Variants in ABHD17B observed in about 807,000 individuals in gnomAD.
ABHD17B encodes abhydrolase domain containing 17B, depalmitoylase.
ABHD17B carries 9 observed loss-of-function variants against 26.2 expected under a neutral mutation model. The ratio of observed to expected loss-of-function variants is 0.34; its 90% confidence interval spans 0.21 to 0.60. ABHD17B has a LOEUF of 0.60. Ranked by LOEUF, ABHD17B falls within the 20% of genes least tolerant of loss-of-function variation. The pLI, the probability that ABHD17B is intolerant of heterozygous loss-of-function variation, is 0.80. For missense variants in ABHD17B, 224 were observed against 352.1 expected (o/e 0.64, Z 2.91); for synonymous variants, 127 against 122.3 (o/e 1.04, Z -0.25).
chr9:71,871,306 T>C (rs1352904728), intron 2 of ABHD17B, among the ~76,000 whole-genome samples: 1 of 152,234 alleles, frequency 6.6e-6, no homozygotes, highest in Non-Finnish European at 1.5e-5. Context: ...ATTTCAACTA[T>C]ACAGGTAGTA....
intron 1 of ABHD17B, among the ~76,000 whole-genome samples, chr9:71,895,045 A>C (rs1412152256): frequency 6.6e-6 from 1 of 152,198 alleles, no homozygotes; most frequent in Non-Finnish European, 1.5e-5. Flanking sequence ...AATTTTGTCA[A>C]AACAAATCAA....
intron 1 of ABHD17B, among the ~76,000 whole-genome samples, chr9:71,909,553 C>A (rs1016716928): frequency 3.3e-5 from 5 of 152,128 alleles, no homozygotes; most frequent in African/African-American, 1.2e-4. Context: ...AACAGATTAA[C>A]GTTATTACAA....
rs563672721 is a variant in ABHD17B at position 71,875,477 on chromosome 9, G to A, written c.-3-394C>T. Reference sequence around the variant, plus strand: ...TGACCTCAGGTGATTCACCCACCTCGGCCTCCCAAAGTGCTGGGATTACAA... The same window carrying A: ...TGACCTCAGGTGATTCACCCACCTCAGCCTCCCAAAGTGCTGGGATTACAA... On this transcript the variant is annotated intron_variant, in intron 1 of 3. Transcript: ENST00000333421. 5.9e-5 allele frequency among the ~76,000 whole-genome samples: 9 copies of A among 152,094 alleles called. No homozygotes were observed. The South Asian group carries it at 8.3e-4, about 14-fold the overall frequency.
intron 1 of ABHD17B, among the ~76,000 whole-genome samples, chr9:71,884,935 G>T (rs1282329154): frequency 6.6e-6 from 1 of 152,082 alleles, no homozygotes. Flanking sequence ...AAAATGTTTT[G>T]TTACTATTAC....
intron 1 of ABHD17B, among the ~76,000 whole-genome samples, chr9:71,908,168 A>T (rs947538085): frequency 2.0e-5 from 3 of 152,196 alleles, no homozygotes; most frequent in Non-Finnish European, 4.4e-5. Context: ...AGGCGGGTGG[A>T]TCACCTGAGG....
At position 71,867,013 on chromosome 9, in the gene ABHD17B, G is replaced by A. The variant is rs1453342811; in HGVS notation, c.648-7C>T. ...CTTAGAGATTTTGTCAATGCTGCAG[G>A]GAAAAAGGAAGGGGGAAAAATGCAA... On this transcript the variant is annotated splice_region_variant and splice_polypyrimidine_tract_variant and intron_variant, in intron 3 of 3. Coordinates refer to ENST00000333421, the MANE Select transcript of ABHD17B (RefSeq NM_001025780.3). The A allele has an allele frequency of 6.2e-7, 1 of 1,612,800 alleles. No individual in the cohort carries two copies. Among genetic ancestry groups the A allele is most frequent in the African/African-American group, 1.3e-5 (1 of 74,816 alleles).
intron 1 of ABHD17B, among the ~76,000 whole-genome samples, chr9:71,888,166 A>G (rs1366449847): frequency 6.6e-6 from 1 of 152,236 alleles, no homozygotes; most frequent in East Asian, 1.9e-4. Context: ...TTACTGATGG[A>G]GCAGTAAAAT....
chr9:71,892,376 CAA>C (rs1206160849), intron 1 of ABHD17B, among the ~76,000 whole-genome samples: 1 of 151,242 alleles, frequency 6.6e-6, no homozygotes, highest in South Asian at 2.1e-4. Context: ...ACTAAAAATA[CAA>C]AAAAATTAGC....
At chr9:71,896,290 A>C (rs565960471) in intron 1 of ABHD17B, among the ~76,000 whole-genome samples, 2 of 152,294 alleles carry the variant, frequency 1.3e-5, no homozygotes, top group South Asian at 4.1e-4. Context: ...TGTACTCCTG[A>C]CTTCAATTTC....
chr9:71,891,661 G>C (rs922661031), intron 1 of ABHD17B, among the ~76,000 whole-genome samples: 1 of 152,118 alleles, frequency 6.6e-6, no homozygotes, highest in African/African-American at 2.4e-5. Flanking sequence ...CTGCAGAATT[G>C]GAACTCCTGT....
chr9:71,896,459 C>T (rs1293196816), intron 1 of ABHD17B, among the ~76,000 whole-genome samples: 1 of 152,076 alleles, frequency 6.6e-6, no homozygotes, highest in Non-Finnish European at 1.5e-5. Context: ...GTCAAGATAT[C>T]AAACTTCTAA....
intron 1 of ABHD17B, among the ~76,000 whole-genome samples, chr9:71,904,249 T>C (rs1259110851): frequency 2.6e-5 from 4 of 152,184 alleles, no homozygotes; most frequent in Non-Finnish European, 4.4e-5. Context: ...TCCAGGAAGC[T>C]AGGGAGCTTT....
chr9:71,891,222 G>A (rs1303543753), intron 1 of ABHD17B, among the ~76,000 whole-genome samples: 1 of 152,140 alleles, frequency 6.6e-6, no homozygotes, highest in East Asian at 1.9e-4. Flanking sequence ...TTTTTTAAAA[G>A]TGATTCTCAT....
At chr9:71,904,996 T>C (rs1159415093) in intron 1 of ABHD17B, among the ~76,000 whole-genome samples, 3 of 152,228 alleles carry the variant, frequency 2.0e-5, no homozygotes, top group African/African-American at 7.2e-5. Context: ...GAAAGAATTT[T>C]TATAACCCCA....
intron 1 of ABHD17B, among the ~76,000 whole-genome samples, chr9:71,895,646 G>A (rs1011882074): frequency 4.6e-5 from 7 of 152,198 alleles, no homozygotes; most frequent in Admixed American, 6.5e-5. Context: ...ATCTGTCAAT[G>A]TTCTAATACT....
chr9:71,909,277 C>G (rs565110091), intron 1 of ABHD17B, among the ~76,000 whole-genome samples: 5 of 152,310 alleles, frequency 3.3e-5, no homozygotes, highest in African/African-American at 1.2e-4. Context: ...CCATTCATTT[C>G]CTTCTGGATT....
intron 1 of ABHD17B, among the ~76,000 whole-genome samples, chr9:71,887,783 C>A (rs1826657333): frequency 6.6e-6 from 1 of 152,208 alleles, no homozygotes; most frequent in African/African-American, 2.4e-5. Flanking sequence ...TCTCATAGAT[C>A]TTTCTGTTGA....
At chr9:71,884,403 G>A (rs1826543113) in intron 1 of ABHD17B, among the ~76,000 whole-genome samples, 1 of 152,200 alleles carries the variant, frequency 6.6e-6, no homozygotes, top group Non-Finnish European at 1.5e-5. Context: ...GAGTAAGCAT[G>A]TGTTGGATGC....
At chr9:71,897,741 C>G (rs1043613853) in intron 1 of ABHD17B, among the ~76,000 whole-genome samples, 8 of 152,152 alleles carry the variant, frequency 5.3e-5, no homozygotes, top group African/African-American at 1.9e-4. Flanking sequence ...TCAATCCTTA[C>G]TAATGTGGCC....
Sources: allele counts gnomAD v4.1 joint callset (sites outside exome capture counted in the v4.1 genomes callset), GRCh38; gene constraint gnomAD v4.1.1; transcripts MANE v1.5; gene names NCBI Gene and HGNC (gene_info 2026-07-23, HGNC 2026-07-21).